Variants in IL1RAPL2 observed in about 807,000 individuals in gnomAD.
The protein encoded by IL1RAPL2 is interleukin 1 receptor accessory protein like 2.
Under a neutral mutation model 44.1 loss-of-function variants are expected in IL1RAPL2, and 3 were observed. The ratio of observed to expected loss-of-function variants is 0.07; its 90% CI spans 0.03 to 0.18. The LOEUF (loss-of-function observed/expected upper bound fraction) is 0.18, where lower values mean the gene tolerates loss of function less well. Among genes scored for constraint, IL1RAPL2 ranks in the 10% least tolerant of loss-of-function variants. The probability of loss-of-function intolerance (pLI) is 1.00; values close to 1 mark genes in which losing one functional copy is unlikely to be tolerated. For missense variants in IL1RAPL2, 391 were observed against 496.4 expected, an observed-to-expected ratio of 0.79 and a Z score of 2.02; for synonymous variants, 181 against 178.8, an observed-to-expected ratio of 1.01 and a Z score of -0.10.
At chrX:104,668,332 T>A (rs747981538) in intron 2 of IL1RAPL2, among the ~76,000 whole-genome samples, 19 of 109,179 alleles carry the variant, frequency 1.7e-4, no homozygotes, top group African/African-American at 4.7e-4. Context: ...TTTATTTTTT[T>A]ATTATTATTA....
chrX:105,445,265 T>C (rs1342167664), intron 5 of IL1RAPL2, among the ~76,000 whole-genome samples: 2 of 111,595 alleles, frequency 1.8e-5, no homozygotes, highest in Non-Finnish European at 3.8e-5. Flanking sequence ...TTTATTTGGG[T>C]CTTCTCTCTT....
intron 6 of IL1RAPL2, among the ~76,000 whole-genome samples, chrX:105,585,500 C>T (rs2037120823): frequency 1.8e-5 from 2 of 110,965 alleles, no homozygotes; most frequent in South Asian, 7.6e-4. Context: ...TAGCTCTTTT[C>T]CTAATGCTCT....
At chrX:104,754,711 T>G (rs1932315211) in intron 2 of IL1RAPL2, among the ~76,000 whole-genome samples, 1 of 112,125 alleles carries the variant, frequency 8.9e-6, no homozygotes, top group African/African-American at 3.2e-5. Context: ...AATCTTTCTG[T>G]ATGGAAACAG....
intron 9 of IL1RAPL2, among the ~76,000 whole-genome samples, chrX:105,752,305 G>C (rs185464678): frequency 8.9e-6 from 1 of 112,505 alleles, no homozygotes; most frequent in Non-Finnish European, 1.9e-5. Flanking sequence ...ACTCTGTTTA[G>C]CACAGCTGCG....
chrX:104,593,760 C>G (rs5917102), intron 1 of IL1RAPL2, among the ~76,000 whole-genome samples: 38,219 of 111,099 alleles, frequency 0.34, 5,673 homozygotes, highest in East Asian at 0.62. Context: ...CTTTACCTTT[C>G]CATGCATCTG....
At chrX:105,016,248 G>A (rs2031172732) in intron 2 of IL1RAPL2, among the ~76,000 whole-genome samples, 1 of 111,628 alleles carries the variant, frequency 9.0e-6, no homozygotes, top group African/African-American at 3.3e-5. Context: ...ATGCAATCAT[G>A]TTATCTGGAA....
intron 2 of IL1RAPL2, among the ~76,000 whole-genome samples, chrX:104,888,058 T>C (rs1183995413): frequency 9.0e-6 from 1 of 111,422 alleles, no homozygotes; most frequent in Non-Finnish European, 1.9e-5. Flanking sequence ...AGAAAGCCCA[T>C]TAAATACCAC....
chrX:105,587,947 G>A (rs183194295), intron 6 of IL1RAPL2, among the ~76,000 whole-genome samples: 3 of 111,263 alleles, frequency 2.7e-5, no homozygotes, highest in Non-Finnish European at 5.7e-5. Flanking sequence ...GCTAAGGCAA[G>A]AGGATTGCTT....
intron 3 of IL1RAPL2, among the ~76,000 whole-genome samples, chrX:105,224,048 G>T (rs782396377): frequency 9.0e-6 from 1 of 110,788 alleles, no homozygotes; most frequent in African/African-American, 3.3e-5. Context: ...TGCTCAGTTT[G>T]TGGCTAAGAC....
At chrX:104,972,886 T>A (rs1197622673) in intron 2 of IL1RAPL2, among the ~76,000 whole-genome samples, 1 of 111,972 alleles carries the variant, frequency 8.9e-6, no homozygotes, top group Non-Finnish European at 1.9e-5. Context: ...TTTAAATAGG[T>A]AGTGGAAGTC....
chrX:105,728,040 C>T (rs1450174811), intron 7 of IL1RAPL2, among the ~76,000 whole-genome samples: 2 of 111,222 alleles, frequency 1.8e-5, no homozygotes, highest in South Asian at 3.8e-4. Context: ...GATCACCCAA[C>T]GTCTATAGTT....
rs1473480291 is a variant in IL1RAPL2 at position 105,750,032 on chromosome X, TA to T, written c.1192+930del. ...AATAAGTAAGGTTGAGGCTTTTGTT[TA>T]TTTTTTTGAGTTGGTGGTCTTACCT... On this transcript the variant is annotated intron_variant, in intron 9 of 10. Transcript: ENST00000372582. Among the ~76,000 whole-genome samples the T allele has an allele frequency of 1.5e-3, 170 of 111,168 alleles. 1 individual carries two copies. Among genetic ancestry groups the T allele is most frequent in the African/African-American group, 5.4e-3 (166 of 30,643 alleles).
intron 2 of IL1RAPL2, among the ~76,000 whole-genome samples, chrX:104,761,923 C>CCTTCTCCTT (rs1932455348): frequency 6.5e-5 from 2 of 30,812 alleles, no homozygotes; most frequent in Admixed American, 3.9e-4. Flanking sequence ...TTCTCCTTCT[C>CCTTCTCCTT]CTTCTTCTTC....
At chrX:104,859,266 G>T (rs1922438052) in intron 2 of IL1RAPL2, among the ~76,000 whole-genome samples, 1 of 111,481 alleles carries the variant, frequency 9.0e-6, no homozygotes, top group Non-Finnish European at 1.9e-5. Context: ...AAGAGTAAAA[G>T]GAGACGATGA....
At chrX:104,851,974 C>G (rs770326510) in intron 2 of IL1RAPL2, among the ~76,000 whole-genome samples, 21 of 111,234 alleles carry the variant, frequency 1.9e-4, no homozygotes, top group African/African-American at 5.9e-4. Flanking sequence ...GAATTTGCCC[C>G]CATGACCCAA....
chrX:104,926,659 G>T (rs1328100850), intron 2 of IL1RAPL2, among the ~76,000 whole-genome samples: 2 of 111,982 alleles, frequency 1.8e-5, no homozygotes, highest in Non-Finnish European at 3.8e-5. Context: ...TTGCATCACA[G>T]TTGATGTATC....
intron 5 of IL1RAPL2, among the ~76,000 whole-genome samples, chrX:105,447,237 T>C (rs2035969062): frequency 3.7e-5 from 1 of 27,194 alleles, no homozygotes; most frequent in East Asian, 1.3e-3. Flanking sequence ...TAAATATATA[T>C]ATAAATATAA....
At chrX:104,790,846 T>C (rs1336873690) in intron 2 of IL1RAPL2, among the ~76,000 whole-genome samples, 1 of 111,791 alleles carries the variant, frequency 8.9e-6, no homozygotes, top group African/African-American at 3.3e-5. Context: ...TTGTGATTCC[T>C]ATATAAAAGT....
At chrX:105,131,424 T>G (rs2033025295) in intron 2 of IL1RAPL2, among the ~76,000 whole-genome samples, 1 of 110,475 alleles carries the variant, frequency 9.1e-6, no homozygotes, top group Non-Finnish European at 1.9e-5. Flanking sequence ...TATTAATATA[T>G]AAACAAATGA....
Sources: gnomAD v4.1 joint callset for allele counts (sites outside exome capture counted in the v4.1 genomes callset) on GRCh38, gnomAD v4.1.1 for gene constraint, MANE v1.5 for transcripts, NCBI Gene and HGNC (gene_info 2026-07-23, HGNC 2026-07-21) for gene names.